Variants in COL19A1 observed in about 807,000 individuals in gnomAD.
COL19A1 encodes collagen type XIX alpha 1 chain, also known as collagen alpha-1(XIX) chain.
COL19A1 carries 159 observed loss-of-function variants against 190.2 expected under a neutral mutation model. That is an observed-to-expected ratio of 0.84 (90% confidence interval 0.73 to 0.95). COL19A1 has a LOEUF of 0.95. Among genes scored for constraint, COL19A1 ranks in the 40% least tolerant of loss-of-function variants. The pLI, the probability that COL19A1 is intolerant of heterozygous loss-of-function variation, is 0.00. For synonymous variants in COL19A1, 509 were observed against 458.9 expected, an observed-to-expected ratio of 1.11 and a Z score of -1.39; for missense variants, 1,418 against 1,431.9, an observed-to-expected ratio of 0.99 and a Z score of 0.16.
intron 11 of COL19A1, among the ~76,000 whole-genome samples, chr6:70,007,908 A>T (rs1777734273): frequency 6.6e-6 from 1 of 151,996 alleles, no homozygotes. Flanking sequence ...TTCGACATCA[A>T]TATTAGAAAA....
Position 70,156,153 on chromosome 6 carries a change from T to C in COL19A1, c.2106T>C (p.Ser702=), listed in dbSNP as rs746563179. 2 of 1,613,124 alleles carry C rather than the reference T, an allele frequency of 1.2e-6. No homozygotes were observed. Among genetic ancestry groups the C allele is most frequent in the Non-Finnish European group, 1.7e-6 (2 of 1,179,502 alleles). Residue 702 remains serine (S), a synonymous_variant, in exon 32 of 51, where the codon AGT becomes AGC. Coordinates refer to ENST00000620364, the MANE Select transcript of COL19A1 (RefSeq NM_001858.6). ...LKNFCGNCQA[S]VPGLKSNKGE... ...ATTTCTGTGGCAACTGCCAAGCCAG[T>C]GTCCCAGGGCTGAAAAGCAACAAAG...
chr6:70,016,627 A>C (rs1778123705), intron 11 of COL19A1, among the ~76,000 whole-genome samples: 1 of 152,018 alleles, frequency 6.6e-6, no homozygotes, highest in Non-Finnish European at 1.5e-5. Context: ...AGTATTTGCA[A>C]ATTATATATC....
chr6:69,987,712 G>A (rs904176258), intron 11 of COL19A1, among the ~76,000 whole-genome samples: 1 of 152,192 alleles, frequency 6.6e-6, no homozygotes, highest in African/African-American at 2.4e-5. Context: ...TAACTGCCTT[G>A]TGGGGTTGGT....
At chr6:69,965,560 A>G (rs553476642) in intron 11 of COL19A1, among the ~76,000 whole-genome samples, 6 of 152,248 alleles carry the variant, frequency 3.9e-5, no homozygotes, top group Non-Finnish European at 8.8e-5. Context: ...GACCTCATTT[A>G]AAGTATATTT....
intron 14 of COL19A1, among the ~76,000 whole-genome samples, chr6:70,065,321 G>A (rs1781110530): frequency 6.6e-6 from 1 of 152,130 alleles, no homozygotes. Context: ...ACAACTATCT[G>A]ATCTTTGACA....
intron 9 of COL19A1, among the ~76,000 whole-genome samples, chr6:69,941,846 G>C (rs1338132739): frequency 6.6e-6 from 1 of 151,948 alleles, no homozygotes; most frequent in Non-Finnish European, 1.5e-5. Flanking sequence ...CCGCCATCAT[G>C]CCTGGCTAAT....
chr6:70,108,970 C>T (rs907987020), intron 16 of COL19A1, among the ~76,000 whole-genome samples: 2 of 152,010 alleles, frequency 1.3e-5, no homozygotes, highest in African/African-American at 4.8e-5. Flanking sequence ...TAAACAAATA[C>T]TTATGGCCTA....
chr6:69,891,998 T>C (rs1484235395), intron 2 of COL19A1, among the ~76,000 whole-genome samples: 1 of 152,212 alleles, frequency 6.6e-6, no homozygotes, highest in African/African-American at 2.4e-5. Flanking sequence ...ATAAGCTGAA[T>C]GCTAAGTTAA....
chr6:70,208,666 C>G lies in COL19A1; in HGVS notation c.*1392C>G, dbSNP rs998000645. 5 of 152,638 alleles carry G rather than the reference C, an allele frequency of 3.3e-5. No homozygotes were observed. Among genetic ancestry groups the G allele is most frequent in the African/African-American group, 1.2e-4 (5 of 41,434 alleles). 9.5% of individuals were successfully genotyped at this position (152,638 alleles called of 1,614,324 possible). ...ACATGCTGCAAGAGCCTGCCAGCCACAGCAATCAGGACTCACAGCTCTTCA... is the reference window on the plus strand; with the variant it reads ...ACATGCTGCAAGAGCCTGCCAGCCAGAGCAATCAGGACTCACAGCTCTTCA... On this transcript the variant is annotated 3_prime_UTR_variant, in exon 51 of 51. Coordinates refer to ENST00000620364, the MANE Select transcript of COL19A1 (RefSeq NM_001858.6).
chr6:70,151,495 A>C (rs1787055699), intron 31 of COL19A1, 57 bp downstream of exon 31: 2 of 1,554,884 alleles, frequency 1.3e-6, no homozygotes, highest in Non-Finnish European at 1.8e-6. Flanking sequence ...ATTAGAAAGA[A>C]AAATATTTAG....
At chr6:69,995,253 T>C (rs1776839301) in intron 11 of COL19A1, among the ~76,000 whole-genome samples, 2 of 152,220 alleles carry the variant, frequency 1.3e-5, no homozygotes, top group South Asian at 4.1e-4. Flanking sequence ...ATGGCAACAG[T>C]TCTATGAATG....
rs1299659129 is a variant in COL19A1, at chr6:70,145,013, T to C, written c.1770+6T>C. The C allele has an allele frequency of 3.9e-6, 6 of 1,558,144 alleles. No homozygotes were observed. Among genetic ancestry groups the C allele is most frequent in the Admixed American group, 1.8e-5 (1 of 54,450 alleles). On this transcript the variant is annotated splice_donor_region_variant and intron_variant, in intron 25 of 50. Transcript: ENST00000620364. The stretch of plus-strand genomic sequence containing the variant: ...AAAGCCTGCCAGGGGAACCAGTAAG[T>C]ATTAGCCCTTTTGTTAATATTTTTC...
At chr6:70,042,920 C>G (rs1455668325) in intron 14 of COL19A1, among the ~76,000 whole-genome samples, 1 of 152,174 alleles carries the variant, frequency 6.6e-6, no homozygotes, top group East Asian at 1.9e-4. Flanking sequence ...TCAGCCACAT[C>G]TTCAGGCTTC....
chr6:70,193,303 G>C (rs775165367), intron 48 of COL19A1, among the ~76,000 whole-genome samples: 2 of 152,190 alleles, frequency 1.3e-5, no homozygotes, highest in South Asian at 2.1e-4. Flanking sequence ...TCAGTCTTCA[G>C]AGGAGGCAGG....
chr6:70,085,788 T>G (rs972576549), intron 15 of COL19A1, among the ~76,000 whole-genome samples: 1 of 152,142 alleles, frequency 6.6e-6, no homozygotes, highest in Non-Finnish European at 1.5e-5. Flanking sequence ...CCTGGATCAC[T>G]AGACCCAAAT....
At chr6:70,003,534 G>A (rs926843174) in intron 11 of COL19A1, among the ~76,000 whole-genome samples, 1 of 152,104 alleles carries the variant, frequency 6.6e-6, no homozygotes, top group African/African-American at 2.4e-5. Flanking sequence ...CTAAGAACTC[G>A]TTTTATGAAT....
chr6:70,077,954 A>G (rs576908172), intron 15 of COL19A1, among the ~76,000 whole-genome samples: 3 of 152,350 alleles, frequency 2.0e-5, no homozygotes, highest in East Asian at 3.9e-4. Context: ...CCGTTGCTTC[A>G]CACTCTCCAT....
chr6:70,050,150 G>A (rs1395494949), intron 14 of COL19A1, among the ~76,000 whole-genome samples: 2 of 151,982 alleles, frequency 1.3e-5, no homozygotes, highest in Admixed American at 6.6e-5. Flanking sequence ...GTGTTGTAGT[G>A]ATGATTAAGT....
rs78269421 is a variant in COL19A1 at position 70,179,791 on chromosome 6, C to T, written c.2668-521C>T. On this transcript the variant is annotated intron_variant, in intron 42 of 50. Transcript: ENST00000620364. ...TCCACCATCCACACAAATATATATTCGAAGAACTGCACCCCAGTCTGAAAC... is the reference window on the plus strand; with the variant it reads ...TCCACCATCCACACAAATATATATTTGAAGAACTGCACCCCAGTCTGAAAC... Among the ~76,000 whole-genome samples, 21 of 152,268 alleles carry T rather than the reference C, an allele frequency of 1.4e-4. No individual in the cohort carries two copies. In the East Asian group the frequency reaches 3.1e-3, roughly 22 times the overall value.
Sources: allele counts gnomAD v4.1 joint callset (sites outside exome capture counted in the v4.1 genomes callset), GRCh38; gene constraint gnomAD v4.1.1; transcripts MANE v1.5; gene names NCBI Gene and HGNC (gene_info 2026-07-23, HGNC 2026-07-21).